Variants in CALD1 observed in about 807,000 individuals in gnomAD.
CALD1 encodes the protein caldesmon 1.
In CALD1, 33 loss-of-function variants were observed where a neutral mutation model predicts 99.9. The ratio of observed to expected loss-of-function variants is 0.33; its 90% CI spans 0.25 to 0.44. The LOEUF is 0.44. Among genes scored for constraint, CALD1 ranks in the 20% least tolerant of loss-of-function variants. The pLI is 1.00. For synonymous variants in CALD1, 310 were observed against 325.0 expected (o/e 0.95, Z 0.50); for missense variants, 861 against 962.1 (o/e 0.89, Z 1.39).
At chr7:134,958,872 A>ACT (rs1807993537) in intron 11 of CALD1, among the ~76,000 whole-genome samples, 18 of 124,866 alleles carry the variant, frequency 1.4e-4, no homozygotes, top group South Asian at 5.4e-4. Flanking sequence ...CTGGTATTTA[A>ACT]ATATATATAT....
intron 6 of CALD1, among the ~76,000 whole-genome samples, chr7:134,939,630 T>C (rs1806269727): frequency 6.6e-6 from 1 of 152,110 alleles, no homozygotes; most frequent in South Asian, 2.1e-4. Flanking sequence ...ACTTAAAACT[T>C]ATCAATAAAG....
chr7:134,856,089 C>G (rs1015804966), intron 2 of CALD1, among the ~76,000 whole-genome samples: 3 of 152,198 alleles, frequency 2.0e-5, no homozygotes, highest in African/African-American at 7.2e-5. Flanking sequence ...TTCTACGAAG[C>G]GAACAAGGAT....
chr7:134,753,606 T>C (rs1363799721), intron 1 of CALD1, among the ~76,000 whole-genome samples: 1 of 152,214 alleles, frequency 6.6e-6, no homozygotes, highest in Non-Finnish European at 1.5e-5. Context: ...CTAGGCCAAC[T>C]GCCCTGAGGG....
intron 2 of CALD1, among the ~76,000 whole-genome samples, chr7:134,849,972 G>A (rs1028907877): frequency 5.3e-5 from 8 of 152,154 alleles, no homozygotes; most frequent in African/African-American, 1.7e-4. Flanking sequence ...ATTTAGCATC[G>A]TGTCTAAAGC....
chr7:134,719,063 C>G, the CALD1 span, among the ~76,000 whole-genome samples: 23 of 152,176 alleles, frequency 1.5e-4, no homozygotes, highest in Non-Finnish European at 2.9e-4. Context: ...ACATTATTTT[C>G]CCCAATATCC....
At chr7:134,806,173 C>G (rs942956683) in intron 1 of CALD1, among the ~76,000 whole-genome samples, 1 of 152,214 alleles carries the variant, frequency 6.6e-6, no homozygotes, top group Admixed American at 6.5e-5. Context: ...CATAGTTTCC[C>G]CATTTGCCTT....
At chr7:134,898,690 C>T (rs1384957561) in intron 3 of CALD1, among the ~76,000 whole-genome samples, 1 of 152,148 alleles carries the variant, frequency 6.6e-6, no homozygotes, top group African/African-American at 2.4e-5. Context: ...TCTCCAGCCT[C>T]AGCCTCCCGA....
intron 7 of CALD1, among the ~76,000 whole-genome samples, chr7:134,946,579 A>G (rs1279627251): frequency 6.6e-6 from 1 of 152,144 alleles, no homozygotes; most frequent in Non-Finnish European, 1.5e-5. Context: ...GAATCACACA[A>G]TATTTGTATG....
At chr7:134,773,687 C>T (rs1445362144) in intron 1 of CALD1, among the ~76,000 whole-genome samples, 1 of 151,974 alleles carries the variant, frequency 6.6e-6, no homozygotes, top group East Asian at 1.9e-4. Context: ...GCCTGATTTT[C>T]TTGTTCCATG....
chr7:134,809,370 C>T (rs1441085796), intron 1 of CALD1, among the ~76,000 whole-genome samples: 1 of 152,184 alleles, frequency 6.6e-6, no homozygotes, highest in Non-Finnish European at 1.5e-5. Context: ...TCTGTCCTAG[C>T]TGTGAGAACT....
chr7:134,776,943 G>A (rs1308923334), upstream of CALD1, among the ~76,000 whole-genome samples: 3 of 151,964 alleles, frequency 2.0e-5, no homozygotes, highest in East Asian at 3.8e-4. Flanking sequence ...TGTCTTTTTA[G>A]ATTTATTATG....
chr7:134,916,725 C>G (rs1563093609), intron 3 of CALD1, among the ~76,000 whole-genome samples: 9 of 152,190 alleles, frequency 5.9e-5, no homozygotes. Context: ...TTCCATTTTC[C>G]AATCGCTTTA....
At chr7:134,883,424 TTCCAGATGGCTTCTG>T (rs1801700363) in intron 3 of CALD1, among the ~76,000 whole-genome samples, 1 of 152,224 alleles carries the variant, frequency 6.6e-6, no homozygotes, top group African/African-American at 2.4e-5. Flanking sequence ...TTAAAAAGCT[TTCCAGATGGCTTCTG>T]GCTTTTAAAT....
intron 3 of CALD1, among the ~76,000 whole-genome samples, chr7:134,919,274 G>T (rs189525983): frequency 1.3e-5 from 2 of 152,078 alleles, no homozygotes; most frequent in Non-Finnish European, 2.9e-5. Context: ...TACTCCCTGG[G>T]TGCCTTCTAA....
intron 7 of CALD1, among the ~76,000 whole-genome samples, chr7:134,943,838 G>A (rs976503393): frequency 6.6e-6 from 1 of 152,164 alleles, no homozygotes; most frequent in African/African-American, 2.4e-5. Flanking sequence ...TTCTTGCACT[G>A]TGCATAAGAA....
At chr7:134,942,504 G>C (rs1443549299) in intron 7 of CALD1, among the ~76,000 whole-genome samples, 1 of 152,166 alleles carries the variant, frequency 6.6e-6, no homozygotes, top group African/African-American at 2.4e-5. Context: ...GTGTAAGAAA[G>C]GTAGAATCTA....
Position 134,925,439 on chromosome 7 carries a change from G to A in CALD1, c.72-3315G>A, listed in dbSNP as rs1048216457. Among the ~76,000 whole-genome samples, 106 of 152,082 alleles carry A rather than the reference G, an allele frequency of 7.0e-4. 1 individual carries two copies. Among genetic ancestry groups the A allele is most frequent in the Non-Finnish European group, 9.0e-4 (61 of 68,014 alleles). On this transcript the variant is annotated intron_variant, in intron 3 of 14. Transcript: ENST00000361675. ...TTTTGCTTTTAGGATAGGTGTATAA[G>A]TTCGTTCTTGCACTGCCGTAAAGAA...
chr7:134,739,378 T>C (rs1796574910), upstream of CALD1, among the ~76,000 whole-genome samples: 1 of 152,202 alleles, frequency 6.6e-6, no homozygotes, highest in African/African-American at 2.4e-5. Flanking sequence ...TTCTGATCCA[T>C]CAACCCCCTA....
chr7:134,734,390 G>C, the CALD1 span, among the ~76,000 whole-genome samples: 6 of 151,948 alleles, frequency 3.9e-5, no homozygotes, highest in South Asian at 4.2e-4. Flanking sequence ...TTTAATTGAG[G>C]TGTCTTCACA....
Sources: allele counts gnomAD v4.1 joint callset (sites outside exome capture counted in the v4.1 genomes callset), GRCh38; gene constraint gnomAD v4.1.1; transcripts MANE v1.5; gene names NCBI Gene and HGNC (gene_info 2026-07-23, HGNC 2026-07-21).